The following EVI5 variants were observed in gnomAD, a reference collection of about 807,000 sequenced individuals.
EVI5 encodes ecotropic viral integration site 5 protein homolog.
In EVI5, 73 loss-of-function variants were observed where a neutral mutation model predicts 112.0. The ratio of observed to expected loss-of-function variants is 0.65; its 90% confidence interval spans 0.54 to 0.79. The LOEUF (loss-of-function observed/expected upper bound fraction) is 0.79, where lower values mean the gene tolerates loss of function less well. EVI5 is among the 30% of genes least tolerant of loss of function. The pLI, the probability that EVI5 is intolerant of heterozygous loss-of-function variation, is 0.00. For synonymous variants in EVI5, 305 were observed against 319.9 expected (o/e 0.95, Z 0.50); for missense variants, 900 against 968.8 (o/e 0.93, Z 0.94).
intron 11 of EVI5, among the ~76,000 whole-genome samples, chr1:92,664,985 T>C (rs1664638528): frequency 6.6e-6 from 1 of 152,286 alleles, no homozygotes; most frequent in South Asian, 2.1e-4. Context: ...GGCAGGCGGA[T>C]CACGAGGTCA....
intron 13 of EVI5, among the ~76,000 whole-genome samples, chr1:92,644,427 T>G (rs1660573113): frequency 6.6e-6 from 1 of 152,226 alleles, no homozygotes; most frequent in South Asian, 2.1e-4. Context: ...GACACAGATC[T>G]GTCAACTTTA....
chr1:92,548,472 C>T (rs1158306673), intron 19 of EVI5, among the ~76,000 whole-genome samples: 3 of 152,162 alleles, frequency 2.0e-5, no homozygotes, highest in Non-Finnish European at 2.9e-5. Flanking sequence ...TCCTATTCAA[C>T]ATAGTGCTGG....
intron 1 of EVI5, among the ~76,000 whole-genome samples, chr1:92,741,548 A>G (rs1396807971): frequency 1.3e-5 from 2 of 152,228 alleles, no homozygotes; most frequent in African/African-American, 4.8e-5. Context: ...GCCTTCAAAC[A>G]GACAGTAACT....
chr1:92,516,497 C>T (rs779979132), intron 19 of EVI5, among the ~76,000 whole-genome samples: 1 of 152,098 alleles, frequency 6.6e-6, no homozygotes, highest in Non-Finnish European at 1.5e-5. Flanking sequence ...TGAAGGTAAG[C>T]GACTATGTGG....
In EVI5 at chr1:92,608,981, T is replaced by C. The variant is rs572064671; in HGVS notation, c.1828-1254A>G. ...GTCTTCAGAATTAAATGAGATAATATGCGTAACAGGGCCTAAATATGTAGC... is the reference window on the plus strand; with the variant it reads ...GTCTTCAGAATTAAATGAGATAATACGCGTAACAGGGCCTAAATATGTAGC... On this transcript the variant is annotated intron_variant, in intron 16 of 19. Coordinates refer to ENST00000684568, the MANE Select transcript of EVI5 (RefSeq NM_001350197.2). Among the ~76,000 whole-genome samples the C allele has an allele frequency of 2.0e-5, 3 of 152,328 alleles. No homozygotes were observed. The South Asian group carries it at 6.2e-4, about 32-fold the overall frequency.
intron 15 of EVI5, among the ~76,000 whole-genome samples, chr1:92,624,689 C>CAAAAAAAAAAAAAAAAAAA: frequency 1.9e-5 from 1 of 51,734 alleles, no homozygotes; most frequent in Non-Finnish European, 3.3e-5. Flanking sequence ...GTCTCTACTT[C>CAAAAAAAAAAAAAAAAAAA]AAAAAAAAAA....
chr1:92,717,297 AGGTCG>A (rs1673889422), intron 2 of EVI5, among the ~76,000 whole-genome samples: 1 of 152,238 alleles, frequency 6.6e-6, no homozygotes, highest in South Asian at 2.1e-4. Flanking sequence ...GCAGACAGAA[AGGTCG>A]GGTTACCCAC....
At chr1:92,529,947 T>C (rs1468334334) in intron 19 of EVI5, among the ~76,000 whole-genome samples, 2 of 152,162 alleles carry the variant, frequency 1.3e-5, no homozygotes, top group Admixed American at 6.6e-5. Context: ...TAACACATGA[T>C]TGAATATATG....
At chr1:92,606,022 C>T (rs1418418809) in intron 17 of EVI5, among the ~76,000 whole-genome samples, 1 of 152,152 alleles carries the variant, frequency 6.6e-6, no homozygotes, top group Non-Finnish European at 1.5e-5. Flanking sequence ...ATACATTGGT[C>T]ATTCTCAAAA....
chr1:92,579,623 A>G lies in EVI5; in HGVS notation c.2071-15886T>C, dbSNP rs533564144. 2.6e-5 allele frequency among the ~76,000 whole-genome samples: 4 copies of G among 152,288 alleles called. No individual in the cohort carries two copies. In the South Asian group the frequency reaches 6.2e-4, roughly 24 times the overall value. The stretch of plus-strand genomic sequence containing the variant: ...TTTTCCCCTCTGTATACATTTCTCC[A>G]TTACTATTTATTACTTTTAGCTTAT... On this transcript the variant is annotated intron_variant, in intron 18 of 19. Transcript: ENST00000684568.
At chr1:92,547,219 G>A (rs1478456510) in intron 19 of EVI5, among the ~76,000 whole-genome samples, 6 of 152,160 alleles carry the variant, frequency 3.9e-5, no homozygotes, top group Admixed American at 2.0e-4. Context: ...CAACTACATG[G>A]AAACTGAACA....
chr1:92,534,016 T>C (rs893927083), intron 19 of EVI5, among the ~76,000 whole-genome samples: 1 of 152,234 alleles, frequency 6.6e-6, no homozygotes, highest in African/African-American at 2.4e-5. Context: ...GACATGATTG[T>C]ATACTTAGAA....
intron 2 of EVI5, among the ~76,000 whole-genome samples, chr1:92,724,157 C>T (rs950795830): frequency 3.6e-4 from 55 of 152,132 alleles, no homozygotes; most frequent in African/African-American, 1.3e-3. Context: ...CTCCCTGTTC[C>T]ACCCCCTCCC....
chr1:92,768,637 G>A (rs1682978004), intron 1 of EVI5, among the ~76,000 whole-genome samples: 1 of 152,160 alleles, frequency 6.6e-6, no homozygotes, highest in African/African-American at 2.4e-5. Flanking sequence ...GACTTTGGGA[G>A]GCCAAGGCAG....
At chr1:92,578,886 G>A (rs1032064893) in intron 18 of EVI5, among the ~76,000 whole-genome samples, 36 of 152,122 alleles carry the variant, frequency 2.4e-4, no homozygotes, top group African/African-American at 7.9e-4. Flanking sequence ...TTGTTTGTTT[G>A]TTTTTAAATA....
chr1:92,623,783 C>A (rs891216323), intron 16 of EVI5, among the ~76,000 whole-genome samples: 1 of 152,160 alleles, frequency 6.6e-6, no homozygotes, highest in African/African-American at 2.4e-5. Context: ...TGGGTAGAGG[C>A]CAGGGATGCT....
intron 19 of EVI5, among the ~76,000 whole-genome samples, chr1:92,525,162 A>G (rs1661638751): frequency 6.6e-6 from 1 of 151,928 alleles, no homozygotes. Flanking sequence ...CTCAACAGCC[A>G]TAGGAGAGAC....
intron 18 of EVI5, among the ~76,000 whole-genome samples, chr1:92,566,394 T>C (rs1186078738): frequency 6.6e-6 from 1 of 152,202 alleles, no homozygotes; most frequent in African/African-American, 2.4e-5. Flanking sequence ...AGTGACATTG[T>C]AGTTGTACAA....
chr1:92,665,633 T>A (rs1004413051), intron 11 of EVI5, among the ~76,000 whole-genome samples: 4 of 152,192 alleles, frequency 2.6e-5, no homozygotes, highest in Admixed American at 2.6e-4. Flanking sequence ...TATATCAGAA[T>A]GGACTCCCAA....
Sources: gnomAD v4.1 joint callset for allele counts (sites outside exome capture counted in the v4.1 genomes callset) on GRCh38, gnomAD v4.1.1 for gene constraint, MANE v1.5 for transcripts, NCBI Gene and HGNC (gene_info 2026-07-23, HGNC 2026-07-21) for gene names.